Variants in VPS53 observed in about 807,000 individuals in gnomAD.
VPS53 encodes VPS53 subunit of GARP complex.
VPS53 carries 70 observed loss-of-function variants against 107.0 expected under a neutral mutation model. The ratio of observed to expected loss-of-function variants is 0.65; its 90% CI spans 0.54 to 0.80. The LOEUF (loss-of-function observed/expected upper bound fraction) is 0.80, where lower values mean the gene tolerates loss of function less well. VPS53 is among the 30% of genes least tolerant of loss of function. The pLI, the probability that VPS53 is intolerant of heterozygous loss-of-function variation, is 0.00. For missense variants in VPS53, 917 were observed against 1,049.4 expected (o/e 0.87, Z 1.74); for synonymous variants, 409 against 393.3 (o/e 1.04, Z -0.47).
intron 17 of VPS53, among the ~76,000 whole-genome samples, chr17:546,147 C>A (rs1224279501): frequency 6.6e-6 from 1 of 152,140 alleles, no homozygotes; most frequent in Non-Finnish European, 1.5e-5. Context: ...AGCTGAGTAT[C>A]CTTTCAGCAA....
intron 4 of VPS53, among the ~76,000 whole-genome samples, chr17:662,555 G>C (rs1476835242): frequency 1.3e-5 from 2 of 151,946 alleles, no homozygotes; most frequent in African/African-American, 4.8e-5. Flanking sequence ...CAGGCACAGT[G>C]GCACGCACCT....
intron 11 of VPS53, among the ~76,000 whole-genome samples, chr17:622,466 TC>T (rs1161622953): frequency 6.6e-6 from 1 of 152,070 alleles, no homozygotes; most frequent in East Asian, 1.9e-4. Context: ...CTTCCCTCCC[TC>T]CTTTCTTCTT....
rs983340662 is a variant in VPS53 at position 511,774 on chromosome 17, A to T, written c.*7354T>A. 6.6e-6 allele frequency: 1 copy of T among 152,272 alleles called. No individual in the cohort carries two copies. Among genetic ancestry groups the T allele is most frequent in the African/African-American group, 2.4e-5 (1 of 41,446 alleles). 9.4% of individuals were successfully genotyped at this position (152,272 alleles called of 1,614,324 possible). A position where few individuals can be genotyped will look rare whatever the true frequency, so the allele number is the denominator to read the frequency against. On this transcript the variant is annotated 3_prime_UTR_variant, in exon 22 of 22. Coordinates refer to ENST00000437048, the MANE Select transcript of VPS53 (RefSeq NM_001128159.3). Reference sequence around the variant, plus strand: ...GAAGAAGAAGAAGAAAAAAGGCAAGAATAAGTAAAAGGAAAAAAAAGAAAA... The same window carrying T: ...GAAGAAGAAGAAGAAAAAAGGCAAGTATAAGTAAAAGGAAAAAAAAGAAAA...
chr17:661,947 G>A (rs1309699369), intron 4 of VPS53, 52 bp from the exon 5 acceptor site: 2 of 1,406,556 alleles, frequency 1.4e-6, no homozygotes, highest in African/African-American at 1.4e-5. Context: ...GACAGCTCCA[G>A]TCACTAACTG....
chr17:530,440 A>C (rs1909451836), intron 19 of VPS53, among the ~76,000 whole-genome samples: 1 of 151,904 alleles, frequency 6.6e-6, no homozygotes, highest in Admixed American at 6.6e-5. Flanking sequence ...GGTGTAAGCC[A>C]CTGCACCCGG....
chr17:673,426 C>T lies in VPS53; in HGVS notation c.286-11531G>A, dbSNP rs530873985. On this transcript the variant is annotated intron_variant, in intron 4 of 21. Coordinates refer to ENST00000437048, the MANE Select transcript of VPS53 (RefSeq NM_001128159.3). ...TGCTAACAATGCAGCCCGCTCTCCA[C>T]GACGGTGCTCAACAGCAGCAGAGGC... Among the ~76,000 whole-genome samples, 22 of 152,290 alleles carry T rather than the reference C, an allele frequency of 1.4e-4. No homozygotes were observed. In the South Asian group the frequency reaches 4.4e-3, roughly 30 times the overall value.
At chr17:575,246 C>T (rs966988863) in intron 13 of VPS53, among the ~76,000 whole-genome samples, 5 of 152,210 alleles carry the variant, frequency 3.3e-5, no homozygotes, top group South Asian at 2.1e-4. Flanking sequence ...CATAAAATCA[C>T]GTGAGTGAAT....
In VPS53 at chr17:631,601, T is replaced by A; in HGVS notation, c.636A>T (p.Gly212=). 1 of 1,614,112 alleles carries A rather than the reference T, an allele frequency of 6.2e-7. No homozygotes were observed. The change falls in exon 8 of 22, where the codon GGA becomes GGT. Residue 212 remains glycine, a synonymous_variant. Transcript: ENST00000437048. ...ERVKAAQTEL[G]QQILADFEEA... ...CTTCAAAATCTGCCAGGATTTGCTG[T>A]CCTAACTCAGTCTGTGCAGCCTTCA...
intron 20 of VPS53, 31 bp downstream of exon 20, chr17:521,570 A>G (rs1474691201): frequency 6.6e-7 from 1 of 1,505,926 alleles, no homozygotes. Flanking sequence ...GATTAAATAA[A>G]TAACTGGCCC....
chr17:666,808 A>T (rs1400101395), intron 4 of VPS53, among the ~76,000 whole-genome samples: 1 of 152,150 alleles, frequency 6.6e-6, no homozygotes, highest in East Asian at 1.9e-4. Context: ...AATCCCAGCT[A>T]CTCAGGAGGC....
At chr17:573,463 C>T (rs1410532384) in intron 13 of VPS53, among the ~76,000 whole-genome samples, 1 of 152,180 alleles carries the variant, frequency 6.6e-6, no homozygotes, top group Non-Finnish European at 1.5e-5. Flanking sequence ...GGAACTTTCC[C>T]TTGGCAGGTG....
At chr17:590,589 AGTT>A (rs1162119841) in intron 12 of VPS53, among the ~76,000 whole-genome samples, 3 of 150,678 alleles carry the variant, frequency 2.0e-5, no homozygotes, top group African/African-American at 7.4e-5. Context: ...TAGCATGAAG[AGTT>A]GTTGAATTTT....
intron 17 of VPS53, among the ~76,000 whole-genome samples, chr17:541,142 G>A (rs1203213030): frequency 1.3e-5 from 2 of 152,140 alleles, no homozygotes; most frequent in East Asian, 1.9e-4. Context: ...AGGCTGCCGG[G>A]GTGTTGGCCT....
At chr17:630,059 CG>C (rs1969888334) in intron 8 of VPS53, among the ~76,000 whole-genome samples, 1 of 151,818 alleles carries the variant, frequency 6.6e-6, no homozygotes, top group South Asian at 2.1e-4. Context: ...TTTGGGAGGC[CG>C]AGGCGGGCGG....
Position 657,938 on chromosome 17 carries a change from C to G in VPS53, c.373-1985G>C, listed in dbSNP as rs141942602. Reference sequence around the variant, plus strand: ...GCCGTGAGTTCTTGGATAGATACATCGCACTAAAGTGAGAAACTCGGCAGG... The same window carrying G: ...GCCGTGAGTTCTTGGATAGATACATGGCACTAAAGTGAGAAACTCGGCAGG... On this transcript the variant is annotated intron_variant, in intron 5 of 21. Transcript: ENST00000437048. 3.3e-5 allele frequency among the ~76,000 whole-genome samples: 5 copies of G among 151,314 alleles called. No homozygotes were observed. In the East Asian group the frequency reaches 9.8e-4, roughly 30 times the overall value.
At chr17:624,777 A>G (rs1179932055) in intron 10 of VPS53, among the ~76,000 whole-genome samples, 1 of 152,212 alleles carries the variant, frequency 6.6e-6, no homozygotes, top group Non-Finnish European at 1.5e-5. Flanking sequence ...ATTAGCTAAC[A>G]GTTTCTCAAG....
intron 13 of VPS53, among the ~76,000 whole-genome samples, chr17:574,741 G>C (rs937766085): frequency 2.0e-5 from 3 of 152,124 alleles, no homozygotes; most frequent in Non-Finnish European, 4.4e-5. Flanking sequence ...CTCCATCTTA[G>C]CTGACACTGA....
intron 17 of VPS53, 165 bp from the exon 18 acceptor site, chr17:537,341 T>C (rs79975870): frequency 0.039 from 29,192 of 739,744 alleles, 743 homozygotes; most frequent in Non-Finnish European, 0.051. Context: ...TAGGGACTGA[T>C]ACTCAGGACA....
intron 7 of VPS53, among the ~76,000 whole-genome samples, chr17:647,167 T>C (rs1236658229): frequency 1.3e-5 from 2 of 152,170 alleles, no homozygotes; most frequent in Non-Finnish European, 2.9e-5. Flanking sequence ...ATCCCACCCA[T>C]TCTTTTAAGA....
Sources: allele counts gnomAD v4.1 joint callset (sites outside exome capture counted in the v4.1 genomes callset), GRCh38; gene constraint gnomAD v4.1.1; transcripts MANE v1.5; gene names NCBI Gene and HGNC (gene_info 2026-07-23, HGNC 2026-07-21).